Variants in RIMS1 observed in about 807,000 individuals in gnomAD.
The protein encoded by RIMS1 is regulating synaptic membrane exocytosis protein 1.
RIMS1 carries 83 observed loss-of-function variants against 214.1 expected under a neutral mutation model. The observed-to-expected ratio is 0.39, with a 90% confidence interval of 0.32 to 0.47. RIMS1 has a LOEUF of 0.47. Ranked by LOEUF, RIMS1 falls within the 20% of genes least tolerant of loss-of-function variation. RIMS1 has a pLI of 0.99. For synonymous variants in RIMS1, 793 were observed against 786.8 expected (o/e 1.01, Z -0.13); for missense variants, 2,050 against 2,161.8 (o/e 0.95, Z 1.03).
At chr6:72,337,019 C>A (rs1472098434) in intron 29 of RIMS1, among the ~76,000 whole-genome samples, 4 of 151,724 alleles carry the variant, frequency 2.6e-5, no homozygotes, top group Non-Finnish European at 5.9e-5. Context: ...ATAAGAAAGC[C>A]CCTCTTAGAT....
At chr6:72,384,490 A>AT (rs2098551226) in intron 29 of RIMS1, among the ~76,000 whole-genome samples, 1 of 152,018 alleles carries the variant, frequency 6.6e-6, no homozygotes, top group African/African-American at 2.4e-5. Context: ...AATCAACATT[A>AT]TTTTTTTAGT....
intron 19 of RIMS1, chr6:72,261,669 C>T (rs760497367): frequency 4.9e-5 from 48 of 984,968 alleles, no homozygotes; most frequent in Non-Finnish European, 5.7e-5. Flanking sequence ...GAGGTATTAC[C>T]GCAGTACTTG....
At chr6:72,351,972 G>A (rs1351604283) in intron 29 of RIMS1, among the ~76,000 whole-genome samples, 1 of 152,152 alleles carries the variant, frequency 6.6e-6, no homozygotes, top group Admixed American at 6.6e-5. Flanking sequence ...ACACAGAGAG[G>A]TATGTAACAT....
chr6:72,400,680 A>G lies in RIMS1; in HGVS notation c.5045A>G (p.Glu1682Gly), dbSNP rs2098829918. The change falls in exon 34 of 34, where the codon GAA becomes GGA. Residue 1682 changes from glutamate to glycine, a missense_variant. Transcript: ENST00000521978. ...CGGCGGGCTTCCCAGTCATCTCTGG[A>G]AAGTTCAACTGGGCCTCCCTGTATT... Reference protein sequence around the residue: ...LTRRASQSSLESSTGPPCIRS With the variant: ...LTRRASQSSLGSSTGPPCIRS 3 of 1,613,644 alleles carry G rather than the reference A, an allele frequency of 1.9e-6. No individual in the cohort carries two copies. The highest frequency in any genetic ancestry group is 2.5e-6 in the Non-Finnish European group (3 of 1,179,746).
chr6:72,258,676 G>A (rs915943460), intron 17 of RIMS1, among the ~76,000 whole-genome samples: 2 of 152,012 alleles, frequency 1.3e-5, no homozygotes, highest in African/African-American at 4.8e-5. Flanking sequence ...TTAAATGCTT[G>A]GAAACATAAA....
At chr6:71,974,502 A>G (rs1002742841) in intron 2 of RIMS1, among the ~76,000 whole-genome samples, 2 of 152,132 alleles carry the variant, frequency 1.3e-5, no homozygotes, top group African/African-American at 4.8e-5. Flanking sequence ...CAGAGTTATC[A>G]TGGATTTAAA....
chr6:71,937,462 A>G (rs1279390675), intron 1 of RIMS1, among the ~76,000 whole-genome samples: 3 of 152,106 alleles, frequency 2.0e-5, no homozygotes, highest in Non-Finnish European at 4.4e-5. Flanking sequence ...AACGTTTCCC[A>G]GGCTGGTTTC....
chr6:72,347,858 A>G (rs149656791), intron 29 of RIMS1, among the ~76,000 whole-genome samples: 4 of 152,030 alleles, frequency 2.6e-5, no homozygotes, highest in African/African-American at 9.6e-5. Context: ...TAAGACTTTT[A>G]GGGAGTTCTC....
chr6:72,202,764 C>T (rs2052227205), intron 6 of RIMS1, among the ~76,000 whole-genome samples: 1 of 152,096 alleles, frequency 6.6e-6, no homozygotes, highest in Admixed American at 6.5e-5. Flanking sequence ...GGTTTAATAT[C>T]CCAGATCATG....
chr6:72,290,604 C>T, intron 24 of RIMS1, 75 bp from the exon 25 acceptor site: 2 of 1,339,658 alleles, frequency 1.5e-6, no homozygotes, highest in South Asian at 1.4e-5. Flanking sequence ...CCAGGTTTTC[C>T]TTGGACAAAT....
intron 5 of RIMS1, among the ~76,000 whole-genome samples, chr6:72,180,127 C>T (rs1473422891): frequency 6.6e-6 from 1 of 152,208 alleles, no homozygotes; most frequent in Non-Finnish European, 1.5e-5. Flanking sequence ...ATATCATGCA[C>T]AGATGTAAAC....
intron 16 of RIMS1, among the ~76,000 whole-genome samples, chr6:72,254,730 C>CT (rs2075044896): frequency 6.6e-6 from 1 of 152,102 alleles, no homozygotes. Flanking sequence ...ACATGGATAA[C>CT]GCCTTGTGAG....
intron 5 of RIMS1, among the ~76,000 whole-genome samples, chr6:72,181,259 T>C (rs986242957): frequency 5.3e-5 from 8 of 152,150 alleles, no homozygotes; most frequent in African/African-American, 1.7e-4. Context: ...TCAGGAGTTG[T>C]AGGGGAGCTA....
At chr6:72,188,817 T>A (rs938680347) in intron 6 of RIMS1, among the ~76,000 whole-genome samples, 3 of 152,240 alleles carry the variant, frequency 2.0e-5, no homozygotes, top group Non-Finnish European at 4.4e-5. Context: ...AGGGATCTCC[T>A]GTATTCCATG....
chr6:72,132,016 C>G (rs907639310), intron 4 of RIMS1, among the ~76,000 whole-genome samples: 8 of 152,270 alleles, frequency 5.3e-5, no homozygotes, highest in African/African-American at 1.4e-4. Context: ...TCTCTTGTTC[C>G]CTAAACATTG....
intron 1 of RIMS1, among the ~76,000 whole-genome samples, chr6:71,904,292 G>A (rs1774622005): frequency 6.6e-6 from 1 of 152,146 alleles, no homozygotes; most frequent in Admixed American, 6.5e-5. Flanking sequence ...TTATTAGGGA[G>A]TACTTTCAGG....
At chr6:72,383,828 T>TA (rs531256151) in intron 29 of RIMS1, among the ~76,000 whole-genome samples, 22 of 149,172 alleles carry the variant, frequency 1.5e-4, no homozygotes, top group African/African-American at 2.9e-4. Flanking sequence ...CCCTGTCTCT[T>TA]AAAAAAAAAA....
At chr6:72,333,567 G>A (rs2096742428) in intron 28 of RIMS1, 33 bp from the exon 29 acceptor site, 5 of 1,432,040 alleles carry the variant, frequency 3.5e-6, no homozygotes, top group Non-Finnish European at 3.9e-6. Context: ...TGTAATTTAT[G>A]GATGCATATA....
chr6:72,161,469 A>G (rs1236572241), intron 4 of RIMS1, among the ~76,000 whole-genome samples: 1 of 139,040 alleles, frequency 7.2e-6, no homozygotes, highest in Non-Finnish European at 1.6e-5. Context: ...AGTTCTTTTA[A>G]TTGTGATGTT....
Sources: gnomAD v4.1 joint callset for allele counts (sites outside exome capture counted in the v4.1 genomes callset) on GRCh38, gnomAD v4.1.1 for gene constraint, MANE v1.5 for transcripts, NCBI Gene and HGNC (gene_info 2026-07-23, HGNC 2026-07-21) for gene names.